RPAP1: variants seen among roughly 807,000 people sequenced by gnomAD.
The protein encoded by RPAP1 is RNA polymerase II associated protein 1, also known as RNA polymerase II-associated protein 1.
In RPAP1, 109 loss-of-function variants were observed where a neutral mutation model predicts 142.4. The ratio of observed to expected loss-of-function variants is 0.77; its 90% confidence interval spans 0.66 to 0.90. The LOEUF (loss-of-function observed/expected upper bound fraction) is 0.90, where lower values mean the gene tolerates loss of function less well. Ranked by LOEUF, RPAP1 falls within the 40% of genes least tolerant of loss-of-function variation. The pLI, the probability that RPAP1 is intolerant of heterozygous loss-of-function variation, is 0.00. For synonymous variants in RPAP1, 704 were observed against 738.9 expected (o/e 0.95, Z 0.77); for missense variants, 1,546 against 1,751.7 (o/e 0.88, Z 2.10).
At position 41,528,323 on chromosome 15, in the gene RPAP1, G is replaced by T; in HGVS notation, c.1172C>A (p.Ser391Tyr). Reference protein sequence around the residue: ...HGEEAERAGYSLQELFHLTRS... With the variant: ...HGEEAERAGYYLQELFHLTRS... ...GGTCAGGTGGAACAGCTCCTGTAGGGAATACCCCGCTCTCTGGGGCAGGGA... is the reference window on the plus strand; with the variant it reads ...GGTCAGGTGGAACAGCTCCTGTAGGTAATACCCCGCTCTCTGGGGCAGGGA... The change falls in exon 10 of 25, where the codon TCC becomes TAC. Residue 391 changes from serine to tyrosine, a missense_variant. Around this residue, in one of 3 missense-constraint regions of RPAP1, gnomAD observed 1,333 missense variants for 1,486.6 expected, o/e 0.90. Transcript: ENST00000304330. 1.3e-6 allele frequency: 2 copies of T among 1,593,994 alleles called. No individual in the cohort carries two copies. Among genetic ancestry groups the T allele is most frequent in the South Asian group, 1.1e-5 (1 of 87,916 alleles).
chr15:41,540,429 G>A (rs896886591), intron 1 of RPAP1, among the ~76,000 whole-genome samples: 1 of 151,848 alleles, frequency 6.6e-6, no homozygotes, highest in East Asian at 1.9e-4. Context: ...AGTCTCCCTA[G>A]TAGCTGGGAT....
At chr15:41,530,563 G>A (rs2140775415) in intron 7 of RPAP1, among the ~76,000 whole-genome samples, 1 of 152,324 alleles carries the variant, frequency 6.6e-6, no homozygotes, top group Middle Eastern at 3.4e-3. Flanking sequence ...TCTGGGAAAT[G>A]AGTGCTTCCA....
intron 1 of RPAP1, among the ~76,000 whole-genome samples, chr15:41,537,623 C>T (rs1169879555): frequency 7.9e-5 from 12 of 151,972 alleles, no homozygotes; most frequent in African/African-American, 1.4e-4. Flanking sequence ...GGCTCACGCC[C>T]GTAATCCCAG....
At chr15:41,524,874 AC>A in intron 15 of RPAP1, 116 bp downstream of exon 15, 1 of 1,064,872 alleles carries the variant, frequency 9.4e-7, no homozygotes, top group Non-Finnish European at 1.3e-6. Context: ...AAGCCCTCCC[AC>A]TCATTCTTAT....
At chr15:41,531,618 TATATATATA>T (rs1338272004) in intron 6 of RPAP1, among the ~76,000 whole-genome samples, 23 of 18,440 alleles carry the variant, frequency 1.2e-3, no homozygotes, top group African/African-American at 2.8e-3. Context: ...TATATATATA[TATATATATA>T]TTTTTTTTTT....
chr15:41,535,062 G>A lies in RPAP1; in HGVS notation c.542-127C>T, dbSNP rs1208124859. 3.1e-5 allele frequency: 26 copies of A among 843,582 alleles called. No homozygotes were observed. In the East Asian group the frequency reaches 6.4e-4, roughly 21 times the overall value. 52.3% of individuals were successfully genotyped at this position (843,582 alleles called of 1,614,324 possible). On this transcript the variant is annotated intron_variant, in intron 5 of 24. Coordinates refer to ENST00000304330, the MANE Select transcript of RPAP1 (RefSeq NM_015540.4). The stretch of plus-strand genomic sequence containing the variant: ...AGACCCAAACTTTCCTCAGAGTGGA[G>A]ACCCCACTGGGTCTGGCACAGGGAC...
At position 41,538,730 on chromosome 15, in the gene RPAP1, C is replaced by T. The variant is rs935609077; in HGVS notation, c.-76-1529G>A. ...CACCCAGTTTCTCCAAAGGTTAAGA[C>T]TTTACGTAACCATGGCACAAAGGCA... On this transcript the variant is annotated intron_variant, in intron 1 of 24. Coordinates refer to ENST00000304330, the MANE Select transcript of RPAP1 (RefSeq NM_015540.4). Among the ~76,000 whole-genome samples the T allele has an allele frequency of 2.6e-5, 4 of 152,122 alleles. No homozygotes were observed. The East Asian group carries it at 7.7e-4, about 29-fold the overall frequency.
Position 41,522,121 on chromosome 15 carries a change from C to T in RPAP1, c.2872G>A (p.Ala958Thr). The change falls in exon 20 of 25, where the codon GCA becomes ACA. Residue 958 changes from alanine (A) to threonine (T), a missense_variant. This residue lies in a region of RPAP1 where 1,333 missense variants were observed against 1,486.6 expected (regional missense o/e 0.90). Transcript: ENST00000304330. ...LRHEYHLQYLALALAQKAAAL... is the reference protein window; with the variant it reads ...LRHEYHLQYLTLALAQKAAAL... ...ACCGCTTTCTGGGCCAGAGCGAGTG[C>T]CAGGTACTGCAGGTGGTACTCATGG... is the stretch of plus-strand genomic sequence containing the variant. 6.2e-7 allele frequency: 1 copy of T among 1,613,704 alleles called. No homozygotes were observed. Among genetic ancestry groups the T allele is most frequent in the Non-Finnish European group, 8.5e-7 (1 of 1,179,966 alleles).
At position 41,524,854 on chromosome 15, in the gene RPAP1, C is replaced by T. The variant is rs560090823; in HGVS notation, c.2075+137G>A. 1.0e-5 allele frequency: 9 copies of T among 858,182 alleles called. No homozygotes were observed. The African/African-American group carries it at 1.6e-4, about 15-fold the overall frequency. 53.2% of individuals were successfully genotyped at this position (858,182 alleles called of 1,614,324 possible). A position where few individuals can be genotyped will look rare whatever the true frequency, so the allele number is the denominator to read the frequency against. On this transcript the variant is annotated intron_variant, in intron 15 of 24. Coordinates refer to ENST00000304330, the MANE Select transcript of RPAP1 (RefSeq NM_015540.4). ...TGGGCCTGACTCCTAAGCCTTTTCACATCTGGCAGAAGCCCTCCCACTCAT... is the reference window on the plus strand; with the variant it reads ...TGGGCCTGACTCCTAAGCCTTTTCATATCTGGCAGAAGCCCTCCCACTCAT...
At chr15:41,536,743 G>A in intron 2 of RPAP1, 94 bp from the exon 3 acceptor site, 2 of 1,494,904 alleles carry the variant, frequency 1.3e-6, no homozygotes. Context: ...ATGGGGCCCT[G>A]GCTCAAGCTG....
intron 18 of RPAP1, 106 bp downstream of exon 18, chr15:41,523,139 G>A (rs2051748280): frequency 1.0e-5 from 10 of 983,314 alleles, no homozygotes; most frequent in South Asian, 1.7e-5. Flanking sequence ...CCCTCGGGCC[G>A]AGGGCCTGCA....
chr15:41,526,911 A>G lies in RPAP1; in HGVS notation c.1904T>C (p.Ile635Thr), dbSNP rs141307905. Reference protein sequence around the residue: ...LRVLASAGRNIAARLLSSFDL... With the variant: ...LRVLASAGRNTAARLLSSFDL... ...TGTCCTGCTCACCAGCCGGGCAGCA[A>G]TATTCCTCCCAGCTGAGGCCAGGAC... The change falls in exon 14 of 25, where the codon ATT (isoleucine) becomes ACT (threonine). Residue 635 changes from isoleucine (I) to threonine (T), a missense_variant. Ile to Thr is a moderately conservative substitution (Grantham distance 89). This residue lies in a region of RPAP1 where 1,333 missense variants were observed against 1,486.6 expected (regional missense o/e 0.90). Transcript: ENST00000304330. 5.1e-5 allele frequency: 83 copies of G among 1,612,786 alleles called. No individual in the cohort carries two copies. In the African/African-American group the frequency reaches 1.1e-3, roughly 21 times the overall value.
Position 41,518,167 on chromosome 15 carries a change from C to T in RPAP1, c.3811G>A (p.Glu1271Lys). 6.4e-7 allele frequency: 1 copy of T among 1,569,386 alleles called. No individual in the cohort carries two copies. The highest frequency in any genetic ancestry group is 8.6e-7 in the Non-Finnish European group (1 of 1,162,684). ...LPLTQLPVSLECYTVPPEDNL... is the reference protein window; with the variant it reads ...LPLTQLPVSLKCYTVPPEDNL... ...TCTTCAGGAGGCACTGTGTAACACT[C>T]CAGGGACACAGGCAACTGTGACAGG... Residue 1271 changes from glutamate to lysine, a missense_variant, in exon 23 of 25, where the codon GAG becomes AAG. Glu to Lys is a moderately conservative substitution (Grantham distance 56). Coordinates refer to ENST00000304330, the MANE Select transcript of RPAP1 (RefSeq NM_015540.4).
intron 22 of RPAP1, chr15:41,518,421 G>A (rs559376911): frequency 1.6e-5 from 6 of 379,998 alleles, no homozygotes; most frequent in East Asian, 1.3e-4. Context: ...AGTGGGCCAC[G>A]CCTGTAATCT....
At chr15:41,541,555 T>C (rs2051972352) in intron 1 of RPAP1, among the ~76,000 whole-genome samples, 1 of 151,672 alleles carries the variant, frequency 6.6e-6, no homozygotes, top group East Asian at 2.0e-4. Context: ...CTAACAATAG[T>C]GCTGAATGAA....
At position 41,520,786 on chromosome 15, in the gene RPAP1, G is replaced by C; in HGVS notation, c.3400C>G (p.Gln1134Glu). The C allele has an allele frequency of 6.2e-7, 1 of 1,613,834 alleles. No individual in the cohort carries two copies. The highest frequency in any genetic ancestry group is 8.5e-7 in the Non-Finnish European group (1 of 1,180,022). ...CAGCTCTCCAAAACTAGCACCCACT[G>C]CAGGACCCGCATGGCTGTGCCCATG... ...DTMGTAMRVL[Q>E]WVLVLESWRP... The change falls in exon 22 of 25, where the codon CAG becomes GAG. Residue 1134 changes from glutamine to glutamate, a missense_variant. Gln to Glu is a conservative substitution (Grantham distance 29). Around this residue, in one of 3 missense-constraint regions of RPAP1, gnomAD observed 1,333 missense variants for 1,486.6 expected, o/e 0.90. Transcript: ENST00000304330.
chr15:41,542,336 T>TA (rs1352131920), intron 1 of RPAP1, among the ~76,000 whole-genome samples: 1 of 152,170 alleles, frequency 6.6e-6, no homozygotes, highest in African/African-American at 2.4e-5. Context: ...TACAAGGCAG[T>TA]ACATCCCAGT....
Position 41,517,839 on chromosome 15 carries a change from G to A in RPAP1, c.3991C>T (p.Arg1331Cys), listed in dbSNP as rs552039805. ...CATGTTTTCTGCAGCATACTCCTGC[G>A]GGCAGCTTTGACCTCATCCTAGAAG... ...PQSSDEVKAARRSMLQKTWLL... is the reference protein window; with the variant it reads ...PQSSDEVKAACRSMLQKTWLL... Residue 1331 changes from arginine (R) to cysteine (C), a missense_variant, in exon 24 of 25, where the codon CGC becomes TGC. Physicochemically the swap from Arg to Cys is radical, Grantham distance 180. Around this residue, in one of 3 missense-constraint regions of RPAP1, gnomAD observed 210 missense variants for 248.0 expected, o/e 0.85. Transcript: ENST00000304330. 9 of 1,614,094 alleles carry A rather than the reference G, an allele frequency of 5.6e-6. No homozygotes were observed. Among genetic ancestry groups the A allele is most frequent in the Admixed American group, 5.0e-5 (3 of 60,020 alleles).
intron 6 of RPAP1, 65 bp from the exon 7 acceptor site, chr15:41,531,267 G>A: frequency 6.8e-7 from 1 of 1,469,084 alleles, no homozygotes; most frequent in Non-Finnish European, 9.3e-7. Flanking sequence ...TACAGACCTG[G>A]AACCCGCTGA....
Sources: gnomAD v4.1 joint callset for allele counts (sites outside exome capture counted in the v4.1 genomes callset) on GRCh38, gnomAD v4.1.1 for gene constraint, gnomAD v4.1.1 regional missense constraint, MANE v1.5 for transcripts, NCBI Gene and HGNC (gene_info 2026-07-23, HGNC 2026-07-21) for gene names.